NDUFAF6: variants seen among roughly 807,000 people sequenced by gnomAD.
The protein encoded by NDUFAF6 is NADH:ubiquinone oxidoreductase complex assembly factor 6, also known as NADH dehydrogenase (ubiquinone) complex I, assembly factor 6.
A neutral mutation model predicts 40.8 loss-of-function variants in NDUFAF6; 45 were observed. The observed-to-expected ratio is 1.10, with a 90% CI of 0.87 to 1.42. NDUFAF6 has a LOEUF of 1.42. Ranked by LOEUF, NDUFAF6 falls within the 40% of genes most tolerant of loss-of-function variation. The pLI is 0.00. For missense variants in NDUFAF6, 435 were observed against 418.5 expected (o/e 1.04, Z -0.34); for synonymous variants, 185 against 155.9 (o/e 1.19, Z -1.39).
intron 1 of NDUFAF6, chr8:94,941,051 G>T: frequency 2.7e-6 from 2 of 732,404 alleles, no homozygotes; most frequent in Non-Finnish European, 2.3e-6. Context: ...TGCACAGGGT[G>T]CTTATTCAAC....
chr8:95,048,642 C>T, intron 7 of NDUFAF6, 84 bp downstream of exon 7: 2 of 953,638 alleles, frequency 2.1e-6, no homozygotes, highest in Non-Finnish European at 3.4e-6. Context: ...TATGATATTC[C>T]CAACTTGGCA....
intron 2 of NDUFAF6, among the ~76,000 whole-genome samples, chr8:94,998,616 A>G (rs1826570954): frequency 6.6e-6 from 1 of 152,210 alleles, no homozygotes; most frequent in South Asian, 2.1e-4. Flanking sequence ...TGAGGACCAC[A>G]AAGTCCCTGT....
At chr8:95,067,210 A>T (rs1346375109) in intron 9 of NDUFAF6, 7 of 152,196 alleles carry the variant, frequency 4.6e-5, no homozygotes. Flanking sequence ...ACCAATCTGG[A>T]CTTCCATTAT....
intron 2 of NDUFAF6, chr8:94,988,689 G>A (rs987640705): frequency 6.6e-6 from 1 of 152,236 alleles, no homozygotes; most frequent in Non-Finnish European, 1.5e-5. Flanking sequence ...AGATTTAATG[G>A]AATGAGCCCT....
At chr8:95,078,599 T>A (rs1285449503), downstream of NDUFAF6, 1 of 151,240 alleles carries the variant, frequency 6.6e-6, no homozygotes, top group East Asian at 1.9e-4. Context: ...GGAGCTGTGA[T>A]TGTGCCACTG....
intron 2 of NDUFAF6, among the ~76,000 whole-genome samples, chr8:94,982,870 C>T (rs1825557425): frequency 1.3e-5 from 2 of 152,224 alleles, no homozygotes; most frequent in South Asian, 4.1e-4. Flanking sequence ...TCTTTAACTT[C>T]CACAGGGTTG....
At chr8:95,030,114 T>C (rs767655361) in intron 1 of NDUFAF6, among the ~76,000 whole-genome samples, 1 of 152,150 alleles carries the variant, frequency 6.6e-6, no homozygotes, top group Non-Finnish European at 1.5e-5. Flanking sequence ...CTTCTAAATT[T>C]AGTAGTAGGC....
At chr8:95,003,984 T>C (rs1290647224) in intron 2 of NDUFAF6, among the ~76,000 whole-genome samples, 1 of 152,190 alleles carries the variant, frequency 6.6e-6, no homozygotes, top group Non-Finnish European at 1.5e-5. Context: ...CTGTAGCCAC[T>C]GTGCCTGTCA....
chr8:95,080,305 AT>A (rs374402474), downstream of NDUFAF6, among the ~76,000 whole-genome samples: 13 of 41,670 alleles, frequency 3.1e-4, no homozygotes, highest in African/African-American at 3.8e-4. Context: ...TTTTGTAGTG[AT>A]TTTTTGGTAG....
chr8:95,051,447 T>TG (rs1458940041), intron 7 of NDUFAF6, among the ~76,000 whole-genome samples: 1 of 152,112 alleles, frequency 6.6e-6, no homozygotes, highest in African/African-American at 2.4e-5. Context: ...AGTAGATGGT[T>TG]GGGGGTCAAA....
downstream of NDUFAF6, among the ~76,000 whole-genome samples, chr8:95,059,585 A>C (rs532107719): frequency 6.6e-6 from 1 of 152,322 alleles, no homozygotes; most frequent in Admixed American, 6.5e-5. Context: ...GTGGTGGCTC[A>C]TGCCTGTCAT....
Position 94,939,907 on chromosome 8 carries a change from A to T in NDUFAF6, c.-935-5576A>T, listed in dbSNP as rs1821354861. 1.9e-6 allele frequency: 3 copies of T among 1,614,008 alleles called. No homozygotes were observed. The African/African-American group carries it at 4.0e-5, about 22-fold the overall frequency. On this transcript the variant is annotated intron_variant, in intron 1 of 14. Coordinates refer to the NDUFAF6 transcript ENST00000396113. ...ATTCATCAGTCCCACGGGTGGCCTC[A>T]CTGAGACCAGGGCAGGAGTTATGCA...
intron 1 of NDUFAF6, among the ~76,000 whole-genome samples, chr8:94,971,104 C>T (rs1824425055): frequency 6.6e-6 from 1 of 152,230 alleles, no homozygotes; most frequent in African/African-American, 2.4e-5. Context: ...ACAATCAAGC[C>T]TCAAAAGCTA....
chr8:95,082,330 A>G lies in NDUFAF6; in HGVS notation n.213+6578A>G, dbSNP rs1808897902. Among the ~76,000 whole-genome samples the G allele has an allele frequency of 2.6e-5, 4 of 152,156 alleles. No individual in the cohort carries two copies. In the South Asian group the frequency reaches 8.3e-4, roughly 32 times the overall value. On this transcript the variant is annotated intron_variant and non_coding_transcript_variant, in intron 2 of 5. Transcript: ENST00000523184. ...TGTCTCATTAAAAAAATAAAAAAGA[A>G]AAACTAATAGTGCAGCAATGGTAGG...
chr8:94,988,144 T>A (rs1479507600), intron 2 of NDUFAF6, among the ~76,000 whole-genome samples: 1 of 152,232 alleles, frequency 6.6e-6, no homozygotes, highest in Non-Finnish European at 1.5e-5. Flanking sequence ...TTGAATCCCA[T>A]GTGTGTCCTT....
intron 4 of NDUFAF6, among the ~76,000 whole-genome samples, chr8:95,109,581 GATAGAT>G (rs1809935454): frequency 2.7e-5 from 1 of 37,598 alleles, no homozygotes; most frequent in African/African-American, 1.8e-4. Context: ...GCGTTAGATA[GATAGAT>G]AGAGAGAGAG....
chr8:95,104,196 C>CAA (rs1209148811), downstream of NDUFAF6, among the ~76,000 whole-genome samples: 1 of 152,062 alleles, frequency 6.6e-6, no homozygotes, highest in Non-Finnish European at 1.5e-5. Flanking sequence ...AATTCATTAC[C>CAA]AACATTTAAA....
In NDUFAF6 at chr8:95,048,552, A is replaced by G. The variant is rs773041749; in HGVS notation, c.810A>G (p.Leu270=). Residue 270 remains leucine (L), a synonymous_variant, in exon 7 of 9, where the codon CTA becomes CTG. Transcript: ENST00000396124. ...YDIASQAHLH[L]KHARSFHKTV... ...TTGCCAGTCAAGCACACTTGCACCT[A>G]AAGCATGTAAGTCGGCTTTTTTTTG... is the stretch of plus-strand genomic sequence containing the variant. The G allele has an allele frequency of 1.2e-6, 2 of 1,613,616 alleles. No individual in the cohort carries two copies. The highest frequency in any genetic ancestry group is 2.2e-5 in the South Asian group (2 of 91,076).
intron 2 of NDUFAF6, among the ~76,000 whole-genome samples, chr8:95,003,640 C>T (rs1417664930): frequency 6.6e-6 from 1 of 152,190 alleles, no homozygotes; most frequent in African/African-American, 2.4e-5. Flanking sequence ...TACCATCTTT[C>T]CATTGGCGAG....
Sources: allele counts gnomAD v4.1 joint callset (sites outside exome capture counted in the v4.1 genomes callset), GRCh38; gene constraint gnomAD v4.1.1; transcripts MANE v1.5; gene names NCBI Gene and HGNC (gene_info 2026-07-23, HGNC 2026-07-21).